Variants in ZC4H2 observed in about 807,000 individuals in gnomAD.
ZC4H2 encodes zinc finger C4H2 domain-containing protein.
For synonymous variants in ZC4H2, 84 were observed against 66.3 expected, an observed-to-expected ratio of 1.27 and a Z score of -1.30; for missense variants, 137 against 173.9, an observed-to-expected ratio of 0.79 and a Z score of 1.19.
intron 1 of ZC4H2, among the ~76,000 whole-genome samples, chrX:64,960,541 A>G (rs886436740): frequency 7.2e-5 from 8 of 111,886 alleles, no homozygotes; most frequent in Admixed American, 6.6e-4. Flanking sequence ...AAGGTTTTGC[A>G]TTAGTACTGG....
intron 1 of ZC4H2, among the ~76,000 whole-genome samples, chrX:64,962,109 G>C (rs1230672442): frequency 1.8e-5 from 2 of 111,245 alleles, no homozygotes; most frequent in African/African-American, 6.5e-5. Flanking sequence ...GATTCCACAA[G>C]AAAAGAAAAC....
chrX:64,970,895 G>A (rs998030722), intron 1 of ZC4H2, among the ~76,000 whole-genome samples: 1 of 111,652 alleles, frequency 9.0e-6, no homozygotes, highest in Non-Finnish European at 1.9e-5. Context: ...CAGATTTCCG[G>A]GGAGGCAGCA....
intron 1 of ZC4H2, among the ~76,000 whole-genome samples, chrX:65,026,635 G>A (rs1269417589): frequency 9.0e-6 from 1 of 110,529 alleles, no homozygotes; most frequent in Non-Finnish European, 1.9e-5. Context: ...CGTGAACCCG[G>A]GTGGCAAAGC....
intron 1 of ZC4H2, among the ~76,000 whole-genome samples, chrX:64,960,040 C>G (rs755333290): frequency 9.0e-6 from 1 of 110,922 alleles, no homozygotes; most frequent in Non-Finnish European, 1.9e-5. Flanking sequence ...AAAAATAGCA[C>G]TTAAGTCACT....
chrX:64,951,652 G>A (rs1157470246), intron 1 of ZC4H2, among the ~76,000 whole-genome samples: 1 of 111,374 alleles, frequency 9.0e-6, no homozygotes, highest in African/African-American at 3.3e-5. Context: ...GGGGTTGTTT[G>A]TTTTTTCTTG....
chrX:64,998,918 C>A (rs1044753775), intron 1 of ZC4H2, among the ~76,000 whole-genome samples: 10 of 109,447 alleles, frequency 9.1e-5, no homozygotes, highest in Non-Finnish European at 1.7e-4. Context: ...CATAACCAAT[C>A]CTGATCCCTT....
intron 1 of ZC4H2, among the ~76,000 whole-genome samples, chrX:64,940,247 A>G (rs1341778164): frequency 9.0e-6 from 1 of 111,319 alleles, no homozygotes; most frequent in South Asian, 3.8e-4. Flanking sequence ...CCCACTTTTT[A>G]ATGGGGTTGG....
chrX:64,975,549 C>G (rs1270624220), intron 1 of ZC4H2, among the ~76,000 whole-genome samples: 1 of 111,580 alleles, frequency 9.0e-6, no homozygotes, highest in Non-Finnish European at 1.9e-5. Context: ...GACCTTGTGC[C>G]AGCCCACACA....
At chrX:64,967,560 A>G (rs1160522098) in intron 1 of ZC4H2, among the ~76,000 whole-genome samples, 3 of 111,649 alleles carry the variant, frequency 2.7e-5, no homozygotes, top group Non-Finnish European at 5.7e-5. Context: ...TGGAAGTGGG[A>G]CCCCCAGAGT....
intron 1 of ZC4H2, among the ~76,000 whole-genome samples, chrX:64,974,716 C>A (rs1331768418): frequency 9.1e-6 from 1 of 110,386 alleles, no homozygotes; most frequent in African/African-American, 3.3e-5. Flanking sequence ...TCCTAGTTAC[C>A]ACTGGTAAGG....
At chrX:64,945,921 C>A (rs938058947) in intron 1 of ZC4H2, among the ~76,000 whole-genome samples, 2 of 110,851 alleles carry the variant, frequency 1.8e-5, no homozygotes, top group African/African-American at 3.3e-5. Flanking sequence ...ATGGTGGAAG[C>A]CCCTCCCCCC....
At chrX:64,940,280 A>G (rs1930212907) in intron 1 of ZC4H2, among the ~76,000 whole-genome samples, 1 of 111,831 alleles carries the variant, frequency 8.9e-6, no homozygotes, top group South Asian at 3.7e-4. Flanking sequence ...AACTTGTTTA[A>G]GATCCTTGTA....
In ZC4H2 at chrX:64,997,123, T is replaced by C. The variant is rs760121123; in HGVS notation, c.-272+37506A>G. On this transcript the variant is annotated intron_variant, in intron 1 of 4. Coordinates refer to the ZC4H2 transcript ENST00000337990. ...CAAGAGAAAAGCAACTCATTCTGTATATGGGATCCTCAATAAAATTAACAG... is the reference window on the plus strand; with the variant it reads ...CAAGAGAAAAGCAACTCATTCTGTACATGGGATCCTCAATAAAATTAACAG... Among the ~76,000 whole-genome samples, 3 of 112,339 alleles carry C rather than the reference T, an allele frequency of 2.7e-5. No homozygotes were observed. The South Asian group carries it at 1.1e-3, about 41-fold the overall frequency.
chrX:64,990,613 T>C (rs748919486), intron 1 of ZC4H2, among the ~76,000 whole-genome samples: 76 of 111,934 alleles, frequency 6.8e-4, no homozygotes, highest in African/African-American at 2.4e-3. Flanking sequence ...AAATATTGTT[T>C]ATCTTGATTA....
Position 64,917,845 on chromosome X carries a change from G to C in ZC4H2, c.613C>G (p.Leu205Val). ...QIHRNAPICP[L>V]CKAKSRSRNP... ...CGGGACCGACTCTTGGCCTTGCAAAGAGGGCATATAGGTGCATTCCGGTGA... is the reference window on the plus strand; with the variant it reads ...CGGGACCGACTCTTGGCCTTGCAAACAGGGCATATAGGTGCATTCCGGTGA... Residue 205 changes from leucine (L) to valine (V), a missense_variant, in exon 5 of 5, where the codon CTT becomes GTT. By Grantham distance (32) the Leu-to-Val change is conservative. Transcript: ENST00000374839. 8.3e-7 allele frequency: 1 copy of C among 1,211,215 alleles called. No homozygotes were observed. Among genetic ancestry groups the C allele is most frequent in the Non-Finnish European group, 1.1e-6 (1 of 895,307 alleles).
At chrX:65,023,742 A>C (rs971857567) in intron 1 of ZC4H2, among the ~76,000 whole-genome samples, 1 of 111,533 alleles carries the variant, frequency 9.0e-6, no homozygotes, top group African/African-American at 3.3e-5. Context: ...TTGACCCAGT[A>C]ATCCCATTAC....
chrX:64,960,526 C>G (rs1047728014), intron 1 of ZC4H2, among the ~76,000 whole-genome samples: 4 of 111,608 alleles, frequency 3.6e-5, no homozygotes, highest in Non-Finnish European at 7.6e-5. Flanking sequence ...CATTAAAATA[C>G]AAAGAAGGTT....
chrX:64,960,439 C>T (rs1317599287), intron 1 of ZC4H2, among the ~76,000 whole-genome samples: 2 of 111,030 alleles, frequency 1.8e-5, no homozygotes, highest in African/African-American at 6.6e-5. Context: ...AAATAACCAC[C>T]CAAAGGGGAC....
chrX:64,982,161 C>A (rs1932095272), intron 1 of ZC4H2, among the ~76,000 whole-genome samples: 1 of 111,657 alleles, frequency 9.0e-6, no homozygotes, highest in South Asian at 3.8e-4. Context: ...AACTTTCATC[C>A]ACACCCTCCC....
Sources: allele counts gnomAD v4.1 joint callset (sites outside exome capture counted in the v4.1 genomes callset), GRCh38; gene constraint gnomAD v4.1.1; transcripts MANE v1.5; gene names NCBI Gene and HGNC (gene_info 2026-07-23, HGNC 2026-07-21).